The following FRMPD1 variants were observed in gnomAD, a reference collection of about 807,000 sequenced individuals.
The protein encoded by FRMPD1 is FERM and PDZ domain-containing protein 1.
A neutral mutation model predicts 117.8 loss-of-function variants in FRMPD1; 76 were observed. That is an observed-to-expected ratio of 0.65 (90% CI 0.54 to 0.78). The LOEUF (loss-of-function observed/expected upper bound fraction) is 0.78, where lower values mean the gene tolerates loss of function less well. FRMPD1 is among the 30% of genes least tolerant of loss of function. FRMPD1 has a pLI of 0.00. For missense variants in FRMPD1, 1,786 were observed against 1,964.5 expected (o/e 0.91, Z 1.72); for synonymous variants, 783 against 770.4 (o/e 1.02, Z -0.27).
rs766997505 is a variant in FRMPD1 at position 37,746,005 on chromosome 9, G to A, written c.3973G>A (p.Val1325Met). The A allele has an allele frequency of 6.2e-7, 1 of 1,614,208 alleles. No homozygotes were observed. Among genetic ancestry groups the A allele is most frequent in the Non-Finnish European group, 8.5e-7 (1 of 1,180,026 alleles). ...GGGTTTTGCAGGCATGAATGAGATG[G>A]TGGCTCCCAGGATAGGGATGGACCA... ...SLGFAGMNEM[V>M]APRIGMDQCS... Residue 1325 changes from valine to methionine, a missense_variant, in exon 16 of 16, where the codon GTG becomes ATG. Val to Met is a conservative substitution (Grantham distance 21). Coordinates refer to ENST00000377765, the MANE Select transcript of FRMPD1 (RefSeq NM_014907.3).
At chr9:37,624,654 C>G in the FRMPD1 span, among the ~76,000 whole-genome samples, 4 of 152,106 alleles carry the variant, frequency 2.6e-5, no homozygotes, top group Non-Finnish European at 5.9e-5. Flanking sequence ...TATGACAACT[C>G]TCTATGATTA....
Position 37,731,043 on chromosome 9 carries a change from C to T in FRMPD1, c.798C>T (p.Pro266=), listed in dbSNP as rs755671921. The part of the protein sequence containing the change: ...YRCLFRVCFV[P]KDPLDLLKED... The stretch of plus-strand genomic sequence containing the variant: ...GCCTCTTCAGGGTCTGTTTTGTTCC[C>T]AAGGACCCCCTGGACCTCCTGAAAG... Residue 266 remains proline, a synonymous_variant, in exon 9 of 16, where the codon CCC becomes CCT. Coordinates refer to ENST00000377765, the MANE Select transcript of FRMPD1 (RefSeq NM_014907.3). 10 of 1,613,264 alleles carry T rather than the reference C, an allele frequency of 6.2e-6. No homozygotes were observed. The highest frequency in any genetic ancestry group is 8.5e-6 in the Non-Finnish European group (10 of 1,179,346).
intron 7 of FRMPD1, among the ~76,000 whole-genome samples, chr9:37,726,552 G>A (rs1823624858): frequency 6.6e-6 from 1 of 152,074 alleles, no homozygotes; most frequent in Admixed American, 6.6e-5. Context: ...ACAAAAATTA[G>A]CCAGGCATGG....
intron 1 of FRMPD1, among the ~76,000 whole-genome samples, chr9:37,657,790 C>T (rs1318439602): frequency 1.3e-5 from 2 of 152,044 alleles, no homozygotes; most frequent in Non-Finnish European, 2.9e-5. Context: ...CAGCATAGAC[C>T]CTCAAACAAG....
intron 12 of FRMPD1, among the ~76,000 whole-genome samples, chr9:37,734,714 C>T (rs1015688485): frequency 6.6e-6 from 1 of 152,024 alleles, no homozygotes; most frequent in Non-Finnish European, 1.5e-5. Context: ...AGAAGAGAAT[C>T]AGTGTTTTGA....
At position 37,724,205 on chromosome 9, in the gene FRMPD1, A is replaced by G. The variant is rs757400260; in HGVS notation, c.517-20A>G. 7.6e-7 allele frequency: 1 copy of G among 1,322,388 alleles called. No individual in the cohort carries two copies. The highest frequency in any genetic ancestry group is 1.2e-5 in the South Asian group (1 of 85,084). The allele number at this position is 1,322,388 out of a possible 1,614,324, so 81.9% of individuals were successfully genotyped here. ...GAATAAAAAAAGACAGGGATACAACAATACTCTTGTGTTTTCCAGGGTAAT... is the reference window on the plus strand; with the variant it reads ...GAATAAAAAAAGACAGGGATACAACGATACTCTTGTGTTTTCCAGGGTAAT... On this transcript the variant is annotated intron_variant, in intron 6 of 15. Transcript: ENST00000377765.
intron 2 of FRMPD1, among the ~76,000 whole-genome samples, chr9:37,694,476 AAG>A (rs1398578565): frequency 6.6e-6 from 1 of 152,212 alleles, no homozygotes; most frequent in Non-Finnish European, 1.5e-5. Context: ...ATACTATAAA[AAG>A]AAACCCTGTG....
chr9:37,638,034 C>CTTTCTTTCTTTCTTTCTTTCT, the FRMPD1 span, among the ~76,000 whole-genome samples: 24 of 64,008 alleles, frequency 3.7e-4, no homozygotes, highest in African/African-American at 1.4e-3. Context: ...CTCTCTCTTT[C>CTTTCTTTCTTTCTTTCTTTCT]TTCCTTTCTT....
the FRMPD1 span, among the ~76,000 whole-genome samples, chr9:37,633,831 A>G: frequency 5.3e-5 from 8 of 152,244 alleles, no homozygotes; most frequent in African/African-American, 9.6e-5. Context: ...ACTCTACTCC[A>G]GCCTGAGTGA....
the FRMPD1 span, among the ~76,000 whole-genome samples, chr9:37,627,214 A>G: frequency 3.9e-5 from 6 of 152,014 alleles, no homozygotes; most frequent in African/African-American, 1.4e-4. Context: ...AAGTTGCAGA[A>G]TTTCCCTCAT....
upstream of FRMPD1, among the ~76,000 whole-genome samples, chr9:37,650,091 G>A (rs1369693195): frequency 2.6e-5 from 4 of 152,212 alleles, no homozygotes; most frequent in Non-Finnish European, 5.9e-5. Context: ...GTCCTAGACT[G>A]TACATTCCAT....
At chr9:37,699,918 C>T (rs373478867) in intron 2 of FRMPD1, among the ~76,000 whole-genome samples, 4 of 134,166 alleles carry the variant, frequency 3.0e-5, no homozygotes, top group East Asian at 2.2e-4. Context: ...CACACACACA[C>T]ATATACACAC....
chr9:37,737,384 C>T, intron 14 of FRMPD1, 141 bp downstream of exon 14: 1 of 663,100 alleles, frequency 1.5e-6, no homozygotes, highest in Non-Finnish European at 2.6e-6. Flanking sequence ...CTGTTTATTT[C>T]CTAGTAAACA....
At chr9:37,637,296 C>T in the FRMPD1 span, 6 of 1,462,046 alleles carry the variant, frequency 4.1e-6, no homozygotes, top group Non-Finnish European at 4.8e-6. Flanking sequence ...GGGTTCATGG[C>T]GGCGGCGGAA....
chr9:37,670,014 A>T (rs961619853), intron 1 of FRMPD1: 4 of 152,134 alleles, frequency 2.6e-5, no homozygotes, highest in African/African-American at 9.7e-5. Context: ...AAAGAAAAGA[A>T]AAAAGAAAGT....
the FRMPD1 span, among the ~76,000 whole-genome samples, chr9:37,629,667 A>G: frequency 1.3e-5 from 2 of 152,156 alleles, no homozygotes; most frequent in Admixed American, 1.3e-4. Context: ...CTTTATACTT[A>G]GTTTATAGTT....
At chr9:37,645,151 A>G in the FRMPD1 span, among the ~76,000 whole-genome samples, 3 of 152,096 alleles carry the variant, frequency 2.0e-5, no homozygotes, top group Admixed American at 1.3e-4. Context: ...ATAAAAAGGC[A>G]GGAGTAATAG....
At chr9:37,674,549 G>A (rs1032687447) in intron 1 of FRMPD1, among the ~76,000 whole-genome samples, 6 of 152,054 alleles carry the variant, frequency 3.9e-5, no homozygotes, top group African/African-American at 1.4e-4. Flanking sequence ...CCACTCTACT[G>A]GTACCAATTT....
chr9:37,729,080 T>C (rs1285716744), intron 7 of FRMPD1, among the ~76,000 whole-genome samples: 5 of 151,562 alleles, frequency 3.3e-5, no homozygotes, highest in African/African-American at 1.2e-4. Flanking sequence ...ACCCCGTCTG[T>C]ACTAAAAATA....
Sources: allele counts gnomAD v4.1 joint callset (sites outside exome capture counted in the v4.1 genomes callset), GRCh38; gene constraint gnomAD v4.1.1; transcripts MANE v1.5; gene names NCBI Gene and HGNC (gene_info 2026-07-23, HGNC 2026-07-21).